The following HTT variants were observed in gnomAD, a reference collection of about 807,000 sequenced individuals.
HTT encodes huntingtin, also known as huntington disease protein.
In HTT, 104 loss-of-function variants were observed where a neutral mutation model predicts 362.3. The ratio of observed to expected loss-of-function variants is 0.29; its 90% CI spans 0.24 to 0.34. The LOEUF (loss-of-function observed/expected upper bound fraction) is 0.34. Among genes scored for constraint, HTT ranks in the 10% least tolerant of loss-of-function variants. The pLI is 1.00. For missense variants in HTT, 3,301 were observed against 3,928.6 expected, an observed-to-expected ratio of 0.84 and a Z score of 4.27; for synonymous variants, 1,577 against 1,548.7, an observed-to-expected ratio of 1.02 and a Z score of -0.43.
In HTT at chr4:3,212,038, G is replaced by T. The variant is rs541980046; in HGVS notation, c.6524G>T (p.Arg2175Leu). ...GCAGCCCGTGAGGTGACTCTGGCCC[G>T]TGTGAGCGGCACCGTGCAGCAGCTC... ...FEAAREVTLA[R>L]VSGTVQQLPA... Residue 2175 changes from arginine (R) to leucine (L), a missense_variant, in exon 48 of 67, where the codon CGT (arginine) becomes CTT (leucine). Coordinates refer to ENST00000355072, the MANE Select transcript of HTT (RefSeq NM_001388492.1). 5 of 1,614,038 alleles carry T rather than the reference G, an allele frequency of 3.1e-6. No individual in the cohort carries two copies. Among genetic ancestry groups the T allele is most frequent in the Non-Finnish European group, 4.2e-6 (5 of 1,180,034 alleles).
intron 2 of HTT, 51 bp downstream of exon 2, chr4:3,087,073 A>G (rs755843436): frequency 1.0e-6 from 1 of 958,178 alleles, no homozygotes; most frequent in South Asian, 1.5e-5. Flanking sequence ...GTATATTTTC[A>G]GTCTTAATGG....
rs1431683723 is a variant in HTT at position 3,218,644 on chromosome 4, A to AC, written c.7242+692_7242+693insC. On this transcript the variant is annotated intron_variant, in intron 52 of 66. Transcript: ENST00000355072. This position sits in a 1 kb window ranked among gnomAD's most constrained non-coding sequence, Gnocchi z 4.4. Reference sequence around the variant, plus strand: ...CAAGACTCCGTCTCAAAAAAAAAAAAGGTAGGTGTTATTGATCAGAACCCT... The same window carrying AC: ...CAAGACTCCGTCTCAAAAAAAAAAAACGGTAGGTGTTATTGATCAGAACCCT... 6.6e-6 allele frequency among the ~76,000 whole-genome samples: 1 copy of AC among 151,930 alleles called. No homozygotes were observed. The highest frequency in any genetic ancestry group is 1.9e-4 in the East Asian group (1 of 5,180).
At chr4:3,225,134 G>C (rs532737249) in intron 56 of HTT, among the ~76,000 whole-genome samples, 1 of 151,902 alleles carries the variant, frequency 6.6e-6, no homozygotes. Flanking sequence ...AGAAAGACAT[G>C]AGGAGGCTGG....
chr4:3,227,254 G>T (rs111524241), intron 57 of HTT, among the ~76,000 whole-genome samples: 1 of 147,900 alleles, frequency 6.8e-6, no homozygotes, highest in Non-Finnish European at 1.5e-5. Flanking sequence ...TGCCACCCCT[G>T]CCCTGTCTGG....
chr4:3,142,902 G>C lies in HTT; in HGVS notation c.3066+16G>C. On this transcript the variant is annotated intron_variant, in intron 23 of 66. Coordinates refer to ENST00000355072, the MANE Select transcript of HTT (RefSeq NM_001388492.1). ...AGCACTCACAGTAAGTCTCTTTCTT[G>C]ATCGGTCTTACTGACATTGTAATAG... 6.2e-7 allele frequency: 1 copy of C among 1,609,662 alleles called. No homozygotes were observed. Among genetic ancestry groups the C allele is most frequent in the East Asian group, 2.2e-5 (1 of 44,766 alleles).
At position 3,172,942 on chromosome 4, in the gene HTT, C is replaced by T. The variant is rs1245589393; in HGVS notation, c.3977C>T (p.Ser1326Phe). The T allele has an allele frequency of 1.9e-6, 3 of 1,614,170 alleles. No homozygotes were observed. Among genetic ancestry groups the T allele is most frequent in the Non-Finnish European group, 2.5e-6 (3 of 1,180,028 alleles). The change falls in exon 31 of 67, where the codon TCC (serine) becomes TTC (phenylalanine). Residue 1326 changes from serine (S) to phenylalanine (F), a missense_variant. Around this residue, in one of 4 missense-constraint regions of HTT, gnomAD observed 2,316 missense variants for 2,658.5 expected, o/e 0.87. Transcript: ENST00000355072. ...LKTLFGTNLA[S>F]QFDGLSSNPS... ...ACTCTCTTTGGCACAAACTTGGCCT[C>T]CCAGTTTGATGGCTTATCTTCCAAC...
chr4:3,112,720 T>C (rs547036936), intron 6 of HTT, among the ~76,000 whole-genome samples: 5 of 152,194 alleles, frequency 3.3e-5, no homozygotes, highest in Non-Finnish European at 7.3e-5. Flanking sequence ...CACTCTTAGG[T>C]GTGTCTTTTG....
At chr4:3,209,202 A>T (rs904039680) in intron 46 of HTT, among the ~76,000 whole-genome samples, 4 of 152,126 alleles carry the variant, frequency 2.6e-5, no homozygotes, top group Non-Finnish European at 4.4e-5. Context: ...CTTCAAGCAC[A>T]TGTCAATGCC....
At chr4:3,195,764 C>T (rs1719221676) in intron 40 of HTT, among the ~76,000 whole-genome samples, 1 of 152,194 alleles carries the variant, frequency 6.6e-6, no homozygotes. Context: ...GGTTTTCCTC[C>T]ATGTGGGAAT....
chr4:3,221,303 C>T (rs904845062), intron 53 of HTT, among the ~76,000 whole-genome samples: 2 of 152,176 alleles, frequency 1.3e-5, no homozygotes, highest in African/African-American at 4.8e-5. Flanking sequence ...AGCTGCCTCA[C>T]GGAGCTCCTC....
chr4:3,141,635 C>A (rs528121158), intron 22 of HTT, among the ~76,000 whole-genome samples: 1 of 152,148 alleles, frequency 6.6e-6, no homozygotes, highest in South Asian at 2.1e-4. Context: ...GGTGGCGGGC[C>A]CCTGTAATCC....
At chr4:3,220,798 G>A (rs189252273) in intron 53 of HTT, among the ~76,000 whole-genome samples, 3 of 152,280 alleles carry the variant, frequency 2.0e-5, no homozygotes, top group East Asian at 3.9e-4. Flanking sequence ...CAGGCTTGGG[G>A]CTCAGACAGT....
intron 10 of HTT, among the ~76,000 whole-genome samples, chr4:3,123,960 G>A (rs770172314): frequency 5.9e-5 from 9 of 152,124 alleles, no homozygotes; most frequent in Non-Finnish European, 1.2e-4. Context: ...GTCATGATTT[G>A]AGTATTTAAT....
chr4:3,170,814 T>C (rs900530243), intron 29 of HTT, among the ~76,000 whole-genome samples: 2 of 152,156 alleles, frequency 1.3e-5, no homozygotes, highest in East Asian at 1.9e-4. Context: ...GTTTTGTCTG[T>C]TTTGTTTTTT....
At chr4:3,189,131 T>TGA in intron 40 of HTT, 38 bp downstream of exon 40, 1 of 1,605,984 alleles carries the variant, frequency 6.2e-7, no homozygotes, top group Non-Finnish European at 8.5e-7. Context: ...AGTGTCTCGT[T>TGA]CCCCATTCTG....
chr4:3,115,410 A>G lies in HTT; in HGVS notation c.854A>G (p.Gln285Arg), dbSNP rs779932711. ...ATCTGCCAGCACTCAAGAAGGACAC[A>G]ATATTTCTATAGTTGGCTACTAAAT... Reference protein sequence around the residue: ...VSICQHSRRTQYFYSWLLNVL... With the variant: ...VSICQHSRRTRYFYSWLLNVL... The change falls in exon 7 of 67, where the codon CAA becomes CGA. Residue 285 changes from glutamine (Q) to arginine (R), a missense_variant. Coordinates refer to ENST00000355072, the MANE Select transcript of HTT (RefSeq NM_001388492.1). 4 of 1,613,904 alleles carry G rather than the reference A, an allele frequency of 2.5e-6. No individual in the cohort carries two copies. Among genetic ancestry groups the G allele is most frequent in the Non-Finnish European group, 2.5e-6 (3 of 1,179,754 alleles).
At chr4:3,156,957 C>A in intron 27 of HTT, 115 bp from the exon 28 acceptor site, 1 of 819,040 alleles carries the variant, frequency 1.2e-6, no homozygotes, top group Non-Finnish European at 1.9e-6. Flanking sequence ...AGAGGAAATA[C>A]TTGAATATTT....
At chr4:3,164,950 T>C (rs1039735761) in intron 29 of HTT, among the ~76,000 whole-genome samples, 4 of 152,232 alleles carry the variant, frequency 2.6e-5, no homozygotes, top group Admixed American at 1.3e-4. Context: ...ATGTGTGAAT[T>C]TGATCCTGTC....
intron 40 of HTT, 22 bp downstream of exon 40, chr4:3,189,115 TC>T (rs1442187117): frequency 6.2e-7 from 1 of 1,611,976 alleles, no homozygotes; most frequent in African/African-American, 1.3e-5. Flanking sequence ...ACATTAGTCT[TC>T]CTGGAGTGTC....
Sources: allele counts gnomAD v4.1 joint callset (sites outside exome capture counted in the v4.1 genomes callset), GRCh38; gene constraint gnomAD v4.1.1; regional missense constraint gnomAD v4.1.1; non-coding constraint Gnocchi (gnomAD v3.1); transcripts MANE v1.5; gene names NCBI Gene and HGNC (gene_info 2026-07-23, HGNC 2026-07-21).